Variants in ACSM6 observed in about 807,000 individuals in gnomAD.
The protein encoded by ACSM6 is acyl-CoA synthetase medium chain family member 6, also known as acyl-coenzyme A synthetase ACSM6, mitochondrial.
A neutral mutation model predicts 51.1 loss-of-function variants in ACSM6; 35 were observed. That is an observed-to-expected ratio of 0.69 (90% CI 0.52 to 0.91). ACSM6 has a LOEUF of 0.91. ACSM6 is among the 40% of genes least tolerant of loss of function. The probability of loss-of-function intolerance (pLI) is 0.00; values close to 1 mark genes in which losing one functional copy is unlikely to be tolerated. For synonymous variants in ACSM6, 172 were observed against 207.3 expected (o/e 0.83, Z 1.46); for missense variants, 509 against 584.1 (o/e 0.87, Z 1.32).
At chr10:95,211,285 G>A (rs541650435) in intron 5 of ACSM6, among the ~76,000 whole-genome samples, 136 of 152,336 alleles carry the variant, frequency 8.9e-4, no homozygotes, top group African/African-American at 2.9e-3. Context: ...AAAGGGCACT[G>A]AAACTGATTT....
chr10:95,206,743 G>A (rs1272357611), intron 3 of ACSM6, among the ~76,000 whole-genome samples: 2 of 152,198 alleles, frequency 1.3e-5, no homozygotes, highest in Non-Finnish European at 2.9e-5. Context: ...GGTGTTCTAT[G>A]GATGCAGAAG....
intron 2 of ACSM6, among the ~76,000 whole-genome samples, chr10:95,194,958 G>A (rs1457016892): frequency 2.6e-5 from 4 of 152,220 alleles, no homozygotes; most frequent in Non-Finnish European, 5.9e-5. Flanking sequence ...TTAATGGTGT[G>A]TTTTTCACAG....
At chr10:95,197,846 G>T (rs992956480) in intron 2 of ACSM6, among the ~76,000 whole-genome samples, 5 of 152,258 alleles carry the variant, frequency 3.3e-5, no homozygotes, top group African/African-American at 1.2e-4. Flanking sequence ...CACATGGGGA[G>T]AAACCTTGGA....
At chr10:95,196,520 T>A (rs912892056) in intron 2 of ACSM6, among the ~76,000 whole-genome samples, 2 of 152,202 alleles carry the variant, frequency 1.3e-5, no homozygotes, top group Non-Finnish European at 2.9e-5. Flanking sequence ...CATGAAAAAA[T>A]TTTAATATGG....
rs35159717 is a variant in ACSM6, at chr10:95,202,780, G to GA, written c.403+595dup. ...CTCCACTAAAAAAAAACACAAAGCA[G>GA]AAAAAAAAAATTAGCTGCATGTGGT... On this transcript the variant is annotated intron_variant, in intron 3 of 10. Coordinates refer to ENST00000341686, the Ensembl canonical transcript of ACSM6. 7.8e-4 allele frequency among the ~76,000 whole-genome samples: 117 copies of GA among 149,326 alleles called. 1 individual carries two copies. The highest frequency in any genetic ancestry group is 1.6e-3 in the East Asian group (8 of 5,116).
At chr10:95,195,909 G>A (rs2034720696) in intron 2 of ACSM6, among the ~76,000 whole-genome samples, 2 of 152,102 alleles carry the variant, frequency 1.3e-5, no homozygotes, top group East Asian at 1.9e-4. Flanking sequence ...CAAGGATTGT[G>A]AAAGCTCCTT....
At position 95,210,643 on chromosome 10, in the gene ACSM6, C is replaced by T. The variant is rs375835504; in HGVS notation, c.612-7C>T. The T allele has an allele frequency of 3.9e-5, 63 of 1,612,248 alleles. No individual in the cohort carries two copies. The highest frequency in any genetic ancestry group is 4.6e-5 in the Non-Finnish European group (54 of 1,179,254). The stretch of plus-strand genomic sequence containing the variant: ...GATCTCACTGTTGCCTCTTTCCTGG[C>T]TTACAGAGTTGCCCCTCCAAAGCAG... On this transcript the variant is annotated splice_polypyrimidine_tract_variant and splice_region_variant and intron_variant, in intron 4 of 10. Coordinates refer to ENST00000341686, the Ensembl canonical transcript of ACSM6.
intron 10 of ACSM6, among the ~76,000 whole-genome samples, chr10:95,227,185 C>T (rs2035047414): frequency 6.6e-6 from 1 of 152,078 alleles, no homozygotes; most frequent in African/African-American, 2.4e-5. Context: ...CAGGGTTTTA[C>T]CATGTTGGCC....
At chr10:95,212,964 G>C (rs747133884) in intron 7 of ACSM6, 24 bp downstream of exon 7, 40 of 1,566,910 alleles carry the variant, frequency 2.6e-5, no homozygotes, top group Non-Finnish European at 3.3e-5. Context: ...CCTCAGGAGA[G>C]AGTCCATTTC....
intron 3 of ACSM6, among the ~76,000 whole-genome samples, chr10:95,202,863 T>C (rs973031419): frequency 2.1e-5 from 3 of 143,122 alleles, no homozygotes; most frequent in Non-Finnish European, 4.5e-5. Context: ...TGTTTAAACC[T>C]GGAAGGCGGA....
At chr10:95,226,413 A>AG (rs982010163) in intron 10 of ACSM6, 3 of 152,354 alleles carry the variant, frequency 2.0e-5, no homozygotes, top group African/African-American at 7.2e-5. Context: ...TACAAAAAAA[A>AG]AATACAAAAA....
intron 8 of ACSM6, among the ~76,000 whole-genome samples, chr10:95,215,589 A>C (rs1414214418): frequency 2.6e-5 from 4 of 152,198 alleles, no homozygotes; most frequent in Admixed American, 1.3e-4. Flanking sequence ...TAAGAAACTA[A>C]GCTGATCAGA....
chr10:95,197,857 C>T (rs1184369858), intron 2 of ACSM6, among the ~76,000 whole-genome samples: 1 of 152,066 alleles, frequency 6.6e-6, no homozygotes, highest in African/African-American at 2.4e-5. Flanking sequence ...AAACCTTGGA[C>T]GATACCCAGC....
intron 10 of ACSM6, among the ~76,000 whole-genome samples, chr10:95,227,739 T>C (rs925718180): frequency 6.6e-6 from 1 of 152,212 alleles, no homozygotes; most frequent in Non-Finnish European, 1.5e-5. Context: ...TCTGGACACA[T>C]TGGTGACGTG....
chr10:95,221,395 T>C (rs747476563), intron 9 of ACSM6, among the ~76,000 whole-genome samples: 8 of 152,164 alleles, frequency 5.3e-5, no homozygotes, highest in Non-Finnish European at 8.8e-5. Context: ...AAGACCATCC[T>C]GGCCAACATG....
intron 3 of ACSM6, among the ~76,000 whole-genome samples, chr10:95,202,938 CAAAAAA>C (rs35376103): frequency 2.3e-5 from 2 of 85,922 alleles, no homozygotes; most frequent in Non-Finnish European, 4.5e-5. Flanking sequence ...GGCTCTGTCT[CAAAAAA>C]AAAAAAAAAA....
chr10:95,224,962 T>C (rs1437584831), intron 9 of ACSM6, among the ~76,000 whole-genome samples: 1 of 152,216 alleles, frequency 6.6e-6, no homozygotes, highest in Admixed American at 6.5e-5. Flanking sequence ...TCTTATTTCA[T>C]CCTCACAATA....
chr10:95,208,192 G>A (rs1351228517), intron 4 of ACSM6, among the ~76,000 whole-genome samples: 1 of 151,944 alleles, frequency 6.6e-6, no homozygotes, highest in African/African-American at 2.4e-5. Flanking sequence ...GGAACTGGAG[G>A]ACATTATCTT....
chr10:95,221,879 G>T (rs1032788600), intron 9 of ACSM6, among the ~76,000 whole-genome samples: 6 of 152,012 alleles, frequency 3.9e-5, no homozygotes, highest in Non-Finnish European at 8.8e-5. Flanking sequence ...ACCTTTTGAT[G>T]ATAAAAATTC....
Sources: allele counts gnomAD v4.1 joint callset (sites outside exome capture counted in the v4.1 genomes callset), GRCh38; gene constraint gnomAD v4.1.1; transcripts MANE v1.5; gene names NCBI Gene and HGNC (gene_info 2026-07-23, HGNC 2026-07-21).